The following XIRP2 variants were observed in gnomAD, a reference collection of about 807,000 sequenced individuals.
The protein encoded by XIRP2 is xin actin binding repeat containing 2.
XIRP2 carries 236 observed loss-of-function variants against 277.0 expected under a neutral mutation model. The ratio of observed to expected loss-of-function variants is 0.85; its 90% CI spans 0.77 to 0.95. The LOEUF is 0.95. XIRP2 is among the 40% of genes least tolerant of loss of function. The probability of loss-of-function intolerance (pLI) is 0.00; values close to 1 mark genes in which losing one functional copy is unlikely to be tolerated. For synonymous variants in XIRP2, 1,490 were observed against 1,416.5 expected, an observed-to-expected ratio of 1.05 and a Z score of -1.17; for missense variants, 4,640 against 4,157.5, an observed-to-expected ratio of 1.12 and a Z score of -3.19.
intron 2 of XIRP2, among the ~76,000 whole-genome samples, chr2:167,024,117 C>CCTT (rs200586169): frequency 0.43 from 65,018 of 151,570 alleles, 16,714 homozygotes; most frequent in East Asian, 0.82. Context: ...TTGTTTGTAT[C>CCTT]CTTTATTTCA....
At chr2:167,227,421 A>G (rs1225595480) in intron 5 of XIRP2, among the ~76,000 whole-genome samples, 1 of 152,104 alleles carries the variant, frequency 6.6e-6, no homozygotes, top group Admixed American at 6.6e-5. Context: ...ATTAAAAATA[A>G]ACTAGCCTAT....
chr2:166,972,796 T>C (rs1343557651), intron 2 of XIRP2, among the ~76,000 whole-genome samples: 1 of 152,206 alleles, frequency 6.6e-6, no homozygotes, highest in African/African-American at 2.4e-5. Context: ...TTAATCTTTA[T>C]TCCATTCTAT....
intron 3 of XIRP2, among the ~76,000 whole-genome samples, chr2:167,205,732 A>G (rs1281402026): frequency 1.3e-5 from 2 of 152,130 alleles, no homozygotes; most frequent in Non-Finnish European, 2.9e-5. Context: ...TTTGTTTTGC[A>G]TCTATTTATT....
intron 2 of XIRP2, among the ~76,000 whole-genome samples, chr2:167,111,818 G>A (rs1399216822): frequency 6.6e-6 from 1 of 151,950 alleles, no homozygotes; most frequent in Non-Finnish European, 1.5e-5. Flanking sequence ...CTGGTTGGTA[G>A]GCTTTTTACT....
intron 1 of XIRP2, among the ~76,000 whole-genome samples, chr2:166,898,384 A>G (rs922420147): frequency 2.6e-5 from 4 of 152,178 alleles, no homozygotes; most frequent in Non-Finnish European, 4.4e-5. Flanking sequence ...ATCCTATGCC[A>G]CTGCACAGTG....
intron 3 of XIRP2, among the ~76,000 whole-genome samples, chr2:167,164,199 G>A (rs1692455212): frequency 6.6e-6 from 1 of 152,070 alleles, no homozygotes; most frequent in South Asian, 2.1e-4. Context: ...CCGGCACTTT[G>A]GGAGGCCGAG....
chr2:166,911,116 A>G (rs1684687725), intron 2 of XIRP2, among the ~76,000 whole-genome samples: 1 of 152,192 alleles, frequency 6.6e-6, no homozygotes, highest in African/African-American at 2.4e-5. Flanking sequence ...AGTTCTGTAG[A>G]TGTCTATTAG....
intron 2 of XIRP2, among the ~76,000 whole-genome samples, chr2:166,982,508 G>A (rs1230557132): frequency 6.6e-6 from 1 of 151,506 alleles, no homozygotes; most frequent in Non-Finnish European, 1.5e-5. Context: ...GGGAAGACTA[G>A]ACCTCTATCA....
intron 2 of XIRP2, among the ~76,000 whole-genome samples, chr2:167,045,712 A>C (rs1279579488): frequency 6.6e-6 from 1 of 152,154 alleles, no homozygotes; most frequent in African/African-American, 2.4e-5. Context: ...AAGAATGGCT[A>C]TAATTAAAAA....
At chr2:166,982,304 T>C (rs1347158504) in intron 2 of XIRP2, among the ~76,000 whole-genome samples, 1 of 146,994 alleles carries the variant, frequency 6.8e-6, no homozygotes, top group Admixed American at 6.9e-5. Flanking sequence ...AATTGTAATA[T>C]GTTTAGGTAC....
chr2:167,123,880 T>A (rs1338075237), intron 2 of XIRP2: 2 of 152,100 alleles, frequency 1.3e-5, no homozygotes, highest in African/African-American at 4.8e-5. Flanking sequence ...GGGTACACAA[T>A]TCAACCCATA....
At chr2:167,137,647 G>C (rs1472626849) in intron 3 of XIRP2, among the ~76,000 whole-genome samples, 1 of 152,076 alleles carries the variant, frequency 6.6e-6, no homozygotes, top group Non-Finnish European at 1.5e-5. Context: ...AAGTATTCTG[G>C]AGTGTAACCA....
At chr2:167,012,956 A>G (rs187164102) in intron 2 of XIRP2, among the ~76,000 whole-genome samples, 35 of 151,526 alleles carry the variant, frequency 2.3e-4, no homozygotes, top group African/African-American at 8.2e-4. Flanking sequence ...ATGTAGTAGT[A>G]AAATTTTTTA....
intron 2 of XIRP2, among the ~76,000 whole-genome samples, chr2:167,032,686 A>T (rs948895014): frequency 1.3e-5 from 2 of 152,188 alleles, no homozygotes; most frequent in Non-Finnish European, 2.9e-5. Flanking sequence ...CCAAAAATAT[A>T]TGAAAAAAAG....
intron 3 of XIRP2, among the ~76,000 whole-genome samples, chr2:167,175,622 C>T (rs1692819197): frequency 6.6e-6 from 1 of 152,160 alleles, no homozygotes; most frequent in African/African-American, 2.4e-5. Context: ...GTTCAGGGAA[C>T]CACTTGAGGA....
At chr2:166,929,692 C>T (rs1685277288) in intron 2 of XIRP2, among the ~76,000 whole-genome samples, 1 of 151,962 alleles carries the variant, frequency 6.6e-6, no homozygotes, top group South Asian at 2.1e-4. Context: ...ACCTTCAAAA[C>T]TCTGTTTTGT....
chr2:167,005,783 T>G (rs949555076), intron 2 of XIRP2, among the ~76,000 whole-genome samples: 14 of 123,334 alleles, frequency 1.1e-4, no homozygotes, highest in Non-Finnish European at 2.0e-4. Context: ...AGAATCTCTT[T>G]ATTGATAAAA....
chr2:167,075,263 G>A (rs573541609), intron 2 of XIRP2, among the ~76,000 whole-genome samples: 1 of 152,244 alleles, frequency 6.6e-6, no homozygotes, highest in Admixed American at 6.5e-5. Flanking sequence ...GAGAGATAGA[G>A]GGAGGTGAAG....
intron 2 of XIRP2, among the ~76,000 whole-genome samples, chr2:166,974,005 A>G (rs1686646567): frequency 6.6e-6 from 1 of 152,206 alleles, no homozygotes; most frequent in Non-Finnish European, 1.5e-5. Context: ...AATCAATGTC[A>G]GATAAAATTT....
Sources: gnomAD v4.1 joint callset for allele counts (sites outside exome capture counted in the v4.1 genomes callset) on GRCh38, gnomAD v4.1.1 for gene constraint, MANE v1.5 for transcripts, NCBI Gene and HGNC (gene_info 2026-07-23, HGNC 2026-07-21) for gene names.